Variants in KCNIP4 observed in about 807,000 individuals in gnomAD.
KCNIP4 encodes the protein Kv channel-interacting protein 4.
KCNIP4 carries 12 observed loss-of-function variants against 34.0 expected under a neutral mutation model. That is an observed-to-expected ratio of 0.35 (90% CI 0.23 to 0.57). The LOEUF (loss-of-function observed/expected upper bound fraction) is 0.57, where lower values mean the gene tolerates loss of function less well. Ranked by LOEUF, KCNIP4 falls within the 20% of genes least tolerant of loss-of-function variation. The probability of loss-of-function intolerance (pLI) is 0.83; values close to 1 mark genes in which losing one functional copy is unlikely to be tolerated. For missense variants in KCNIP4, 238 were observed against 311.7 expected, an observed-to-expected ratio of 0.76 and a Z score of 1.78; for synonymous variants, 124 against 102.2, an observed-to-expected ratio of 1.21 and a Z score of -1.29.
chr4:21,898,334 G>A (rs1173591541), intron 1 of KCNIP4, among the ~76,000 whole-genome samples: 4 of 152,122 alleles, frequency 2.6e-5, no homozygotes, highest in Non-Finnish European at 5.9e-5. Flanking sequence ...GCATCATCAT[G>A]CTTCCCCAAC....
chr4:21,535,141 A>C (rs1737042838), intron 1 of KCNIP4, among the ~76,000 whole-genome samples: 1 of 152,118 alleles, frequency 6.6e-6, no homozygotes, highest in Admixed American at 6.5e-5. Context: ...AAGATGAATA[A>C]AATTAGGCTT....
intron 3 of KCNIP4, among the ~76,000 whole-genome samples, chr4:20,781,100 G>A (rs148075167): frequency 6.6e-6 from 1 of 151,964 alleles, no homozygotes; most frequent in Non-Finnish European, 1.5e-5. Flanking sequence ...AGGATATATT[G>A]GTTTATTTTA....
chr4:21,747,124 T>G (rs1240108789), intron 1 of KCNIP4, among the ~76,000 whole-genome samples: 1 of 152,100 alleles, frequency 6.6e-6, no homozygotes, highest in Admixed American at 6.6e-5. Context: ...TGCCACATGG[T>G]TTTTAACCAA....
intron 1 of KCNIP4, among the ~76,000 whole-genome samples, chr4:21,400,149 C>G (rs10014861): frequency 0.4 from 61,417 of 152,026 alleles, 13,975 homozygotes; most frequent in African/African-American, 0.63. Context: ...TCATGACCCA[C>G]TATGAGTTCA....
intron 1 of KCNIP4, among the ~76,000 whole-genome samples, chr4:21,636,586 T>C (rs996528409): frequency 1.3e-5 from 2 of 152,160 alleles, no homozygotes; most frequent in Non-Finnish European, 1.5e-5. Flanking sequence ...AGTGTAATAC[T>C]GACATTCTCT....
intron 2 of KCNIP4, among the ~76,000 whole-genome samples, chr4:20,862,179 C>T (rs1363817788): frequency 7.9e-5 from 12 of 151,848 alleles, no homozygotes; most frequent in African/African-American, 2.4e-4. Flanking sequence ...TTAGTAGAGA[C>T]GGGGTTTCGC....
At chr4:21,614,548 C>G (rs945689681) in intron 1 of KCNIP4, among the ~76,000 whole-genome samples, 2 of 147,448 alleles carry the variant, frequency 1.4e-5, no homozygotes, top group Non-Finnish European at 3.0e-5. Flanking sequence ...CTATTTAATG[C>G]ATATTAAATC....
At chr4:21,332,367 G>A (rs1285152404) in intron 1 of KCNIP4, among the ~76,000 whole-genome samples, 3 of 151,980 alleles carry the variant, frequency 2.0e-5, no homozygotes, top group East Asian at 3.9e-4. Flanking sequence ...TTATGGTGAT[G>A]ACTCCAGATT....
At chr4:21,413,305 A>G (rs1724668926) in intron 1 of KCNIP4, among the ~76,000 whole-genome samples, 1 of 152,202 alleles carries the variant, frequency 6.6e-6, no homozygotes, top group African/African-American at 2.4e-5. Context: ...CAGGAAATTC[A>G]TCGAGAAATG....
chr4:20,860,225 C>T (rs1467445838), intron 2 of KCNIP4, among the ~76,000 whole-genome samples: 4 of 151,888 alleles, frequency 2.6e-5, no homozygotes, highest in Middle Eastern at 3.2e-3. Context: ...CTGCAAGCTC[C>T]GCCTCCCAGG....
chr4:20,949,042 C>T (rs1414103188), intron 1 of KCNIP4, among the ~76,000 whole-genome samples: 4 of 152,116 alleles, frequency 2.6e-5, no homozygotes, highest in Non-Finnish European at 5.9e-5. Flanking sequence ...ATAGGTCACA[C>T]CATTGGCAAG....
At chr4:21,155,634 G>C (rs1753088395) in intron 1 of KCNIP4, among the ~76,000 whole-genome samples, 1 of 152,160 alleles carries the variant, frequency 6.6e-6, no homozygotes, top group Admixed American at 6.5e-5. Flanking sequence ...GGAGTCACTT[G>C]TCAGTAATAT....
chr4:21,356,127 A>C (rs1418908778), intron 1 of KCNIP4, among the ~76,000 whole-genome samples: 2 of 152,184 alleles, frequency 1.3e-5, no homozygotes, highest in Admixed American at 6.5e-5. Flanking sequence ...ACAGCCCTTC[A>C]TGCTAAAAAC....
chr4:21,087,215 C>T (rs1158498230), intron 1 of KCNIP4, among the ~76,000 whole-genome samples: 9 of 149,724 alleles, frequency 6.0e-5, no homozygotes, highest in East Asian at 2.0e-4. Context: ...CTTGCTCTGC[C>T]ACCCAGGCTG....
intron 1 of KCNIP4, among the ~76,000 whole-genome samples, chr4:21,630,267 C>A (rs1745657743): frequency 6.6e-6 from 1 of 151,818 alleles, no homozygotes; most frequent in South Asian, 2.1e-4. Context: ...GAGATTGAGA[C>A]CATCCTGCCC....
intron 1 of KCNIP4, among the ~76,000 whole-genome samples, chr4:21,335,369 A>T (rs1716072295): frequency 6.6e-6 from 1 of 152,112 alleles, no homozygotes; most frequent in Non-Finnish European, 1.5e-5. Flanking sequence ...CAATCAATGG[A>T]TTATCTCCCT....
At chr4:21,917,315 T>C (rs1728686299) in intron 1 of KCNIP4, among the ~76,000 whole-genome samples, 3 of 152,060 alleles carry the variant, frequency 2.0e-5, no homozygotes, top group South Asian at 4.1e-4. Context: ...TTTTGTATTT[T>C]TAATAGAGAC....
chr4:21,555,379 GA>G (rs960631475), intron 1 of KCNIP4, among the ~76,000 whole-genome samples: 1 of 152,156 alleles, frequency 6.6e-6, no homozygotes, highest in Non-Finnish European at 1.5e-5. Flanking sequence ...AAAATGCAGT[GA>G]AAAGAGTCTG....
intron 1 of KCNIP4, among the ~76,000 whole-genome samples, chr4:21,474,002 C>T (rs1366291896): frequency 2.0e-5 from 3 of 152,136 alleles, no homozygotes; most frequent in Non-Finnish European, 4.4e-5. Flanking sequence ...GCGTGAGCCA[C>T]CACTCCCGGC....
Sources: gnomAD v4.1 joint callset for allele counts (sites outside exome capture counted in the v4.1 genomes callset) on GRCh38, gnomAD v4.1.1 for gene constraint, MANE v1.5 for transcripts, NCBI Gene and HGNC (gene_info 2026-07-23, HGNC 2026-07-21) for gene names.